SYDE2: variants seen among roughly 807,000 people sequenced by gnomAD.
SYDE2 encodes synapse defective Rho GTPase homolog 2, also known as rho GTPase-activating protein SYDE2.
SYDE2 carries 76 observed loss-of-function variants against 91.5 expected under a neutral mutation model. The ratio of observed to expected loss-of-function variants is 0.83; its 90% CI spans 0.69 to 1.01. SYDE2 has a LOEUF of 1.01. Ranked by LOEUF, SYDE2 falls within the 50% of genes least tolerant of loss-of-function variation. SYDE2 has a pLI of 0.00. For missense variants in SYDE2, 1,364 were observed against 1,367.7 expected (o/e 1.00, Z 0.04); for synonymous variants, 513 against 506.4 (o/e 1.01, Z -0.18).
chr1:85,167,066 T>G (rs1337114321), intron 5 of SYDE2, among the ~76,000 whole-genome samples: 1 of 151,486 alleles, frequency 6.6e-6, no homozygotes, highest in African/African-American at 2.4e-5. Context: ...CAAAAAAAAT[T>G]AGTTGAGGGT....
intron 6 of SYDE2, among the ~76,000 whole-genome samples, chr1:85,163,193 G>A (rs1486361416): frequency 2.0e-5 from 3 of 147,398 alleles, no homozygotes; most frequent in Non-Finnish European, 4.5e-5. Context: ...TGCAACCTCC[G>A]CCTCCCTAGT....
At chr1:85,165,865 ATTTTTTTT>A (rs529987571) in intron 5 of SYDE2, among the ~76,000 whole-genome samples, 101 of 94,114 alleles carry the variant, frequency 1.1e-3, no homozygotes, top group African/African-American at 2.7e-3. Flanking sequence ...AAAAACTTTA[ATTTTTTTT>A]TTTTTTTTTT....
chr1:85,161,014 G>A (rs1450182243), intron 6 of SYDE2: 1 of 979,646 alleles, frequency 1.0e-6, no homozygotes, highest in Non-Finnish European at 1.2e-6. Flanking sequence ...TGACTTTTTA[G>A]ACTACTGATG....
rs1385065024 is a variant in SYDE2, at chr1:85,200,876, G to A, written c.121C>T (p.Arg41Ter). 5.2e-6 allele frequency: 7 copies of A among 1,342,728 alleles called. No homozygotes were observed. Among genetic ancestry groups the A allele is most frequent in the Non-Finnish European group, 6.6e-6 (7 of 1,056,998 alleles). 83.2% of individuals were successfully genotyped at this position (1,342,728 alleles called of 1,614,324 possible). A position where few individuals can be genotyped will look rare whatever the true frequency, so the allele number is the denominator to read the frequency against. The part of the protein sequence containing the change: ...QPPSRGAAYR[R>*]ACPRDGERGG... ...CGCTCCCCGTCCCGGGGGCAGGCTC[G>A]GCGGTACGCGGCGCCGCGGGAAGGC... Residue 41 changes from arginine (R) to a stop codon, truncating the protein, a stop_gained, in exon 1 of 7, where the codon CGA becomes TGA. Coordinates refer to ENST00000341460, the MANE Select transcript of SYDE2 (RefSeq NM_032184.2). LOFTEE classifies it high-confidence loss of function.
At chr1:85,200,175 T>C (rs1272965900) in intron 1 of SYDE2, 77 bp downstream of exon 1, 1 of 1,588,754 alleles carries the variant, frequency 6.3e-7, no homozygotes, top group Non-Finnish European at 8.5e-7. Context: ...TAACTTTTTC[T>C]TGGCTCTTAA....
chr1:85,164,742 A>G lies in SYDE2; in HGVS notation c.2869T>C (p.Leu957=), dbSNP rs1347151168. The G allele has an allele frequency of 7.0e-7, 1 of 1,426,506 alleles. No individual in the cohort carries two copies. The highest frequency in any genetic ancestry group is 9.2e-7 in the Non-Finnish European group (1 of 1,088,258). 88.4% of individuals were successfully genotyped at this position (1,426,506 alleles called of 1,614,324 possible). A position where few individuals can be genotyped will look rare whatever the true frequency, so the allele number is the denominator to read the frequency against. Residue 957 remains leucine (L), a synonymous_variant, in exon 6 of 7, where the codon TTG becomes CTG. Transcript: ENST00000341460. ...GCCACCAATTTCAAATGATCCAACA[A>G]CATCTTTAGGGTTGCCTAAATTAAA... is the stretch of plus-strand genomic sequence containing the variant. The part of the protein sequence containing the change: ...PEIEKATLKM[L]LDHLKLVASY...
At chr1:85,188,615 C>T (rs1418930019) in intron 2 of SYDE2, among the ~76,000 whole-genome samples, 1 of 152,198 alleles carries the variant, frequency 6.6e-6, no homozygotes, top group Non-Finnish European at 1.5e-5. Context: ...AGCCTGCTAT[C>T]ACTACGGGCA....
chr1:85,199,600 C>T (rs1658729748), intron 1 of SYDE2, among the ~76,000 whole-genome samples: 1 of 151,954 alleles, frequency 6.6e-6, no homozygotes, highest in Admixed American at 6.6e-5. Context: ...TGATTTTTCA[C>T]AATAAAAAGA....
intron 4 of SYDE2, among the ~76,000 whole-genome samples, chr1:85,173,494 A>G (rs892839077): frequency 1.3e-5 from 2 of 152,196 alleles, no homozygotes; most frequent in East Asian, 1.9e-4. Flanking sequence ...GAAAGCTAAT[A>G]TAAGTACACA....
rs369050786 is a variant in SYDE2, at chr1:85,190,214, A to G, written c.1284T>C (p.His428=). The G allele has an allele frequency of 1.1e-5, 18 of 1,613,946 alleles. No homozygotes were observed. In the African/African-American group the frequency reaches 2.0e-4, roughly 18 times the overall value. ...ACCGTGTGGTCTGAATATCACCTGC[A>G]TGTTCGGAAGAGCACAGTGAGTCTT... ...HTEDSLCSSE[H]AGDIQTTRSN... Residue 428 remains histidine (H), a synonymous_variant, in exon 2 of 7, where the codon CAT becomes CAC. Coordinates refer to ENST00000341460, the MANE Select transcript of SYDE2 (RefSeq NM_032184.2).
In SYDE2 at chr1:85,198,656, C is replaced by G. The variant is rs369774069; in HGVS notation, c.745+1596G>C. On this transcript the variant is annotated intron_variant, in intron 1 of 6. Transcript: ENST00000341460. ...ATTCTTAAAGGAACTATATTTATTACTTTAAAAATCCTTGAATGTTTACTA... is the reference window on the plus strand; with the variant it reads ...ATTCTTAAAGGAACTATATTTATTAGTTTAAAAATCCTTGAATGTTTACTA... Among the ~76,000 whole-genome samples the G allele has an allele frequency of 2.4e-4, 36 of 152,228 alleles. 1 individual carries two copies. In the East Asian group the frequency reaches 2.9e-3, roughly 12 times the overall value.
At position 85,164,694 on chromosome 1, in the gene SYDE2, T is replaced by C. The variant is rs757952957; in HGVS notation, c.2917A>G (p.Met973Val). The C allele has an allele frequency of 1.3e-6, 2 of 1,525,646 alleles. No homozygotes were observed. The allele number at this position is 1,525,646 out of a possible 1,614,324, so 94.5% of individuals were successfully genotyped here. ...CACACAGCCAAATTCTGGCACGTCA[T>C]CTTATTCACTTCATGATAGGAAGCC... ...LVASYHEVNKMTCQNLAVCFG... is the reference protein window; with the variant it reads ...LVASYHEVNKVTCQNLAVCFG... Residue 973 changes from methionine to valine, a missense_variant, in exon 6 of 7, where the codon ATG (methionine) becomes GTG (valine). Physicochemically the swap from Met to Val is conservative, Grantham distance 21. Transcript: ENST00000341460.
Position 85,158,820 on chromosome 1 carries a change from T to C in SYDE2, c.3515A>G (p.Glu1172Gly). The change falls in exon 7 of 7, where the codon GAA (glutamate) becomes GGA (glycine). Residue 1172 changes from glutamate to glycine, a missense_variant. Transcript: ENST00000341460. The stretch of plus-strand genomic sequence containing the variant: ...ATTTCCAATCAAAGTATCAATACTT[T>C]CTTGTAGATCTTTGAGATTGTTTTT... ...DRKNNLKDLQ[E>G]SIDTLIGNLE... 1.3e-6 allele frequency: 1 copy of C among 773,512 alleles called. No homozygotes were observed. The highest frequency in any genetic ancestry group is 2.4e-6 in the Non-Finnish European group (1 of 415,654). The allele number at this position is 773,512 out of a possible 1,614,324, so 47.9% of individuals were successfully genotyped here.
downstream of SYDE2, chr1:85,152,966 A>C (rs989634808): frequency 7.2e-5 from 11 of 152,368 alleles, no homozygotes; most frequent in African/African-American, 2.6e-4. Context: ...TTACAAAAAA[A>C]CCCAGAAATC....
chr1:85,182,821 T>C lies in SYDE2; in HGVS notation c.1821A>G (p.Lys607=). ...AGGAATACTTAGAACTCATAGAGTT[T>C]TTCTTCTGGTAGCTCTGCTGGGAGG... The part of the protein sequence containing the change: ...SVSSQQSYQK[K]NSMSSKYSCK... Residue 607 remains lysine, a synonymous_variant, in exon 3 of 7, where the codon AAA becomes AAG. Transcript: ENST00000341460. 6.2e-7 allele frequency: 1 copy of C among 1,613,934 alleles called. No homozygotes were observed. The highest frequency in any genetic ancestry group is 2.2e-5 in the East Asian group (1 of 44,874).
Position 85,182,333 on chromosome 1 carries a change from A to C in SYDE2, c.2309T>G (p.Phe770Cys). Reference protein sequence around the residue: ...CHGTVVLPTLFRVTKTHQLAV... With the variant: ...CHGTVVLPTLCRVTKTHQLAV... Reference sequence around the variant, plus strand: ...CAACTGATGAGTCTTTGTCACTCTAAATAAGGTGGGAAGAACAACAGTTCC... The same window carrying C: ...CAACTGATGAGTCTTTGTCACTCTACATAAGGTGGGAAGAACAACAGTTCC... Residue 770 changes from phenylalanine (F) to cysteine (C), a missense_variant, in exon 3 of 7, where the codon TTT becomes TGT. Coordinates refer to ENST00000341460, the MANE Select transcript of SYDE2 (RefSeq NM_032184.2). 3.7e-6 allele frequency: 6 copies of C among 1,613,894 alleles called. No homozygotes were observed. The highest frequency in any genetic ancestry group is 5.1e-6 in the Non-Finnish European group (6 of 1,179,844).
At chr1:85,175,511 C>T (rs1401016832) in intron 4 of SYDE2, among the ~76,000 whole-genome samples, 5 of 152,026 alleles carry the variant, frequency 3.3e-5, no homozygotes, top group Admixed American at 2.6e-4. Flanking sequence ...AAAAGAATTA[C>T]GAATGGATTT....
chr1:85,193,612 G>C (rs891910834), intron 1 of SYDE2, among the ~76,000 whole-genome samples: 2 of 135,836 alleles, frequency 1.5e-5, no homozygotes, highest in South Asian at 5.5e-4. Flanking sequence ...TTTAATGAAA[G>C]TATAATATTA....
At chr1:85,178,302 T>C (rs1447588293) in intron 3 of SYDE2, 30 bp from the exon 4 acceptor site, 6 of 1,534,748 alleles carry the variant, frequency 3.9e-6, no homozygotes, top group Non-Finnish European at 5.3e-6. Flanking sequence ...CACATTACAG[T>C]AAATTTGATA....
Sources: allele counts gnomAD v4.1 joint callset (sites outside exome capture counted in the v4.1 genomes callset), GRCh38; gene constraint gnomAD v4.1.1; transcripts MANE v1.5; gene names NCBI Gene and HGNC (gene_info 2026-07-23, HGNC 2026-07-21).